Variants in PDGFC observed in about 807,000 individuals in gnomAD.
The protein encoded by PDGFC is platelet-derived growth factor C.
Under a neutral mutation model 35.5 loss-of-function variants are expected in PDGFC, and 12 were observed. That is an observed-to-expected ratio of 0.34 (90% CI 0.22 to 0.55). The LOEUF (loss-of-function observed/expected upper bound fraction) is 0.55. PDGFC is among the 20% of genes least tolerant of loss of function. The pLI is 0.91. For missense variants in PDGFC, 322 were observed against 412.4 expected (o/e 0.78, Z 1.90); for synonymous variants, 159 against 148.8 (o/e 1.07, Z -0.50).
intron 3 of PDGFC, among the ~76,000 whole-genome samples, chr4:156,792,999 G>C (rs1160599530): frequency 6.6e-6 from 1 of 152,136 alleles, no homozygotes; most frequent in Non-Finnish European, 1.5e-5. Context: ...TCCTGTACTA[G>C]AGATTGATGA....
At chr4:156,903,400 C>T (rs927229795) in intron 1 of PDGFC, among the ~76,000 whole-genome samples, 7 of 151,886 alleles carry the variant, frequency 4.6e-5, no homozygotes, top group Admixed American at 1.3e-4. Flanking sequence ...GGTGATGGCA[C>T]AAAGAGCTGA....
At chr4:156,943,201 A>C (rs575767962) in intron 1 of PDGFC, among the ~76,000 whole-genome samples, 14 of 152,242 alleles carry the variant, frequency 9.2e-5, no homozygotes, top group Non-Finnish European at 1.9e-4. Context: ...AGCACAGATC[A>C]GAAATGACGC....
intron 2 of PDGFC, among the ~76,000 whole-genome samples, chr4:156,835,457 C>T (rs1263341352): frequency 6.6e-6 from 1 of 152,030 alleles, no homozygotes; most frequent in Non-Finnish European, 1.5e-5. Context: ...CTTTTATAAA[C>T]ATTATATGCT....
chr4:156,921,906 CACAA>C (rs1253528014), intron 1 of PDGFC, among the ~76,000 whole-genome samples: 2 of 152,170 alleles, frequency 1.3e-5, no homozygotes, highest in Non-Finnish European at 2.9e-5. Flanking sequence ...CACACACACA[CACAA>C]ACACACACTA....
intron 1 of PDGFC, among the ~76,000 whole-genome samples, chr4:156,885,156 T>C (rs28758236): frequency 0.02 from 2,543 of 127,058 alleles, 58 homozygotes; most frequent in African/African-American, 0.072. Flanking sequence ...TGTGCATACA[T>C]ACACACACAC....
Position 156,920,134 on chromosome 4 carries a change from T to C in PDGFC, c.118+50652A>G, listed in dbSNP as rs553701609. Among the ~76,000 whole-genome samples, 11 of 152,336 alleles carry C rather than the reference T, an allele frequency of 7.2e-5. No homozygotes were observed. In the East Asian group the frequency reaches 1.4e-3, roughly 19 times the overall value. ...AAGGCCTCACCAGAAGCTGAGCAGATACCAGCACCATGCTTGTGCAGCTTG... is the reference window on the plus strand; with the variant it reads ...AAGGCCTCACCAGAAGCTGAGCAGACACCAGCACCATGCTTGTGCAGCTTG... On this transcript the variant is annotated intron_variant, in intron 1 of 5. Transcript: ENST00000502773.
chr4:156,946,141 C>T (rs1731941756), intron 1 of PDGFC, among the ~76,000 whole-genome samples: 1 of 151,808 alleles, frequency 6.6e-6, no homozygotes, highest in African/African-American at 2.4e-5. Context: ...AACTGTGAAT[C>T]CTACAGAAAG....
intron 1 of PDGFC, among the ~76,000 whole-genome samples, chr4:156,858,312 CG>C (rs1282905012): frequency 6.6e-6 from 1 of 151,976 alleles, no homozygotes; most frequent in South Asian, 2.1e-4. Flanking sequence ...TGGGATATGA[CG>C]TTTTAAAATG....
At chr4:156,824,349 C>CACACAT (rs1553967655) in intron 2 of PDGFC, among the ~76,000 whole-genome samples, 10 of 134,528 alleles carry the variant, frequency 7.4e-5, no homozygotes, top group African/African-American at 2.6e-4. Context: ...CACACACACA[C>CACACAT]ATATACACAC....
intron 5 of PDGFC, 102 bp downstream of exon 5, chr4:156,767,671 A>G (rs1730576867): frequency 1.3e-5 from 9 of 718,860 alleles, no homozygotes; most frequent in Admixed American, 5.1e-5. Context: ...TTCCCCATGA[A>G]TACTACGTCT....
chr4:156,861,030 A>T (rs993405756), intron 1 of PDGFC, among the ~76,000 whole-genome samples: 3 of 152,190 alleles, frequency 2.0e-5, no homozygotes, highest in African/African-American at 7.2e-5. Flanking sequence ...TTCAACTTTG[A>T]GAAACATACT....
At chr4:156,870,031 T>C (rs1215823179) in intron 1 of PDGFC, among the ~76,000 whole-genome samples, 1 of 152,090 alleles carries the variant, frequency 6.6e-6, no homozygotes, top group Non-Finnish European at 1.5e-5. Context: ...TTTTCCCATA[T>C]TGATGGCTAA....
chr4:156,873,945 T>A (rs200397106), intron 1 of PDGFC: 1 of 152,320 alleles, frequency 6.6e-6, no homozygotes, highest in Non-Finnish European at 1.5e-5. Flanking sequence ...ACTCACTAAA[T>A]TGTCTGAAGC....
chr4:156,798,064 C>T (rs1021858972), intron 3 of PDGFC, among the ~76,000 whole-genome samples: 23 of 152,104 alleles, frequency 1.5e-4, no homozygotes, highest in Admixed American at 9.8e-4. Flanking sequence ...TGGTGGCGGG[C>T]GCCTGTAATC....
chr4:156,960,709 C>A (rs1419639821), intron 1 of PDGFC, among the ~76,000 whole-genome samples: 1 of 151,932 alleles, frequency 6.6e-6, no homozygotes. Context: ...CTATATTTTT[C>A]ATACCAGCAT....
At chr4:156,843,901 T>A (rs1363102181) in intron 2 of PDGFC, among the ~76,000 whole-genome samples, 4 of 152,186 alleles carry the variant, frequency 2.6e-5, no homozygotes, top group Non-Finnish European at 5.9e-5. Context: ...AAAAGAACTG[T>A]TAACTCCTTC....
At chr4:156,830,125 T>C (rs1372699568) in intron 2 of PDGFC, among the ~76,000 whole-genome samples, 1 of 152,086 alleles carries the variant, frequency 6.6e-6, no homozygotes, top group Non-Finnish European at 1.5e-5. Context: ...AATTACTAAG[T>C]TGAAAAATTA....
chr4:156,911,783 A>G (rs1731045705), intron 1 of PDGFC, among the ~76,000 whole-genome samples: 1 of 152,162 alleles, frequency 6.6e-6, no homozygotes, highest in Non-Finnish European at 1.5e-5. Context: ...AGACATCTAA[A>G]TAGTGGAGTG....
At chr4:156,908,815 C>T (rs145487169) in intron 1 of PDGFC, among the ~76,000 whole-genome samples, 18 of 151,788 alleles carry the variant, frequency 1.2e-4, no homozygotes, top group African/African-American at 3.6e-4. Flanking sequence ...TTCATAATAC[C>T]CAAAAAGTTG....
Sources: allele counts gnomAD v4.1 joint callset (sites outside exome capture counted in the v4.1 genomes callset), GRCh38; gene constraint gnomAD v4.1.1; transcripts MANE v1.5; gene names NCBI Gene and HGNC (gene_info 2026-07-23, HGNC 2026-07-21).